TFRC: variants seen among roughly 807,000 people sequenced by gnomAD.
TFRC encodes the protein transferrin receptor, also known as transferrin receptor protein 1.
In TFRC, 35 loss-of-function variants were observed where a neutral mutation model predicts 85.8. The ratio of observed to expected loss-of-function variants is 0.41; its 90% confidence interval spans 0.31 to 0.54. The LOEUF is 0.54. Among genes scored for constraint, TFRC ranks in the 20% least tolerant of loss-of-function variants. The probability of loss-of-function intolerance (pLI) is 0.31; values close to 1 mark genes in which losing one functional copy is unlikely to be tolerated. For synonymous variants in TFRC, 362 were observed against 328.6 expected (o/e 1.10, Z -1.10); for missense variants, 828 against 921.5 (o/e 0.90, Z 1.31).
rs1716340301 is a variant in TFRC, at chr3:196,051,925, A to T, written c.*17T>A. On this transcript the variant is annotated 3_prime_UTR_variant, in exon 19 of 19. Coordinates refer to ENST00000360110, the MANE Select transcript of TFRC (RefSeq NM_001128148.3). The stretch of plus-strand genomic sequence containing the variant: ...CAGACTACCCTGCTGTTCTCATGGA[A>T]GCTATGGGTATCACATTTAAAACTC... 1 of 1,612,240 alleles carries T rather than the reference A, an allele frequency of 6.2e-7. No homozygotes were observed. Among genetic ancestry groups the T allele is most frequent in the Admixed American group, 1.7e-5 (1 of 59,868 alleles).
At chr3:196,053,772 T>G (rs948339364) in intron 17 of TFRC, among the ~76,000 whole-genome samples, 3 of 152,216 alleles carry the variant, frequency 2.0e-5, no homozygotes, top group African/African-American at 7.2e-5. Flanking sequence ...CCATTCTCAT[T>G]AAGAAATTGA....
chr3:196,075,492 C>T (rs1718609698), intron 2 of TFRC, 132 bp from the exon 3 acceptor site: 2 of 840,582 alleles, frequency 2.4e-6, no homozygotes, highest in Non-Finnish European at 3.8e-6. Context: ...TCCTTTCAAA[C>T]CAACATTCTT....
intron 3 of TFRC, 64 bp from the exon 4 acceptor site, chr3:196,074,189 G>T: frequency 6.9e-7 from 1 of 1,443,182 alleles, no homozygotes; most frequent in Non-Finnish European, 9.4e-7. Flanking sequence ...CTGTTAATCT[G>T]TTAATATTTT....
At position 196,050,028 on chromosome 3, in the gene TFRC, G is replaced by A. The variant is rs1476597538; in HGVS notation, c.*1914C>T. The A allele has an allele frequency of 6.5e-5, 15 of 231,176 alleles. No homozygotes were observed. The highest frequency in any genetic ancestry group is 1.8e-4 in the East Asian group (3 of 16,364). 14.3% of individuals were successfully genotyped at this position (231,176 alleles called of 1,614,324 possible). A position where few individuals can be genotyped will look rare whatever the true frequency, so the allele number is the denominator to read the frequency against. Reference sequence around the variant, plus strand: ...ATACCTACATTTAATTGATCACCACGAATGGGTAGGCAGACGTGTCAGACC... The same window carrying A: ...ATACCTACATTTAATTGATCACCACAAATGGGTAGGCAGACGTGTCAGACC... On this transcript the variant is annotated 3_prime_UTR_variant, in exon 19 of 19. Transcript: ENST00000360110.
At position 196,050,478 on chromosome 3, in the gene TFRC, T is replaced by C; in HGVS notation, c.*1464A>G. 1 of 205,024 alleles carries C rather than the reference T, an allele frequency of 4.9e-6. No homozygotes were observed. The highest frequency in any genetic ancestry group is 1.0e-5 in the Non-Finnish European group (1 of 99,818). The allele number at this position is 205,024 out of a possible 1,614,324, so 12.7% of individuals were successfully genotyped here. ...GCATGAAGAAAATTATGGGAAACAC[T>C]GTTCCCGATAATTACTTACACCCTT... On this transcript the variant is annotated 3_prime_UTR_variant, in exon 19 of 19. Coordinates refer to ENST00000360110, the MANE Select transcript of TFRC (RefSeq NM_001128148.3).
rs763109242 is a variant in TFRC at position 196,052,177 on chromosome 3, T to C, written c.2048A>G (p.Tyr683Cys). Residue 683 changes from tyrosine to cysteine, a missense_variant, in exon 19 of 19, where the codon TAT becomes TGT. Physicochemically the swap from Tyr to Cys is radical, Grantham distance 194 (BLOSUM62 -2). Coordinates refer to ENST00000360110, the MANE Select transcript of TFRC (RefSeq NM_001128148.3). ...KLNDRVMRVEYHFLSPYVSPK... is the reference protein window; with the variant it reads ...KLNDRVMRVECHFLSPYVSPK... ...AGATACGTAGGGAGAGAGGAAGTGA[T>C]ACTCCACCTACGAAAACAACACACA... 1 of 1,613,294 alleles carries C rather than the reference T, an allele frequency of 6.2e-7. No individual in the cohort carries two copies. The highest frequency in any genetic ancestry group is 1.1e-5 in the South Asian group (1 of 91,008).
chr3:196,056,574 G>T (rs1281564956), intron 16 of TFRC, among the ~76,000 whole-genome samples: 2 of 151,590 alleles, frequency 1.3e-5, no homozygotes, highest in Non-Finnish European at 2.9e-5. Context: ...TAATTTTTTT[G>T]TATTTTTAGT....
chr3:196,049,694 A>T lies in TFRC; in HGVS notation c.*2248T>A, dbSNP rs1716136131. The T allele has an allele frequency of 4.3e-6, 1 of 230,066 alleles. No individual in the cohort carries two copies. Among genetic ancestry groups the T allele is most frequent in the Non-Finnish European group, 8.6e-6 (1 of 116,122 alleles). 14.3% of individuals were successfully genotyped at this position (230,066 alleles called of 1,614,324 possible). The stretch of plus-strand genomic sequence containing the variant: ...ATTCATATTGTGTTATACGATGAAC[A>T]TGCCACATGCTTTCATTTAAGTACG... On this transcript the variant is annotated 3_prime_UTR_variant, in exon 19 of 19. Coordinates refer to ENST00000360110, the MANE Select transcript of TFRC (RefSeq NM_001128148.3).
At chr3:196,055,565 T>G in intron 16 of TFRC, 1 of 515,914 alleles carries the variant, frequency 1.9e-6, no homozygotes, top group Admixed American at 3.3e-5. Flanking sequence ...ATGCCCTGAA[T>G]AGACTTCTAG....
chr3:196,055,092 T>C lies in TFRC; in HGVS notation c.1887A>G (p.Arg629=), dbSNP rs1716658839. ...LSFVRDLNQY[R]ADIKEMGLSL... ...AATCAGTGCTCACCTTTATGTCTGCTCTGTATTGGTTCAGATCCCTCACAA... is the reference window on the plus strand; with the variant it reads ...AATCAGTGCTCACCTTTATGTCTGCCCTGTATTGGTTCAGATCCCTCACAA... Residue 629 remains arginine (R), a synonymous_variant, in exon 17 of 19, where the codon AGA becomes AGG. Transcript: ENST00000360110. The C allele has an allele frequency of 1.9e-6, 3 of 1,614,116 alleles. No homozygotes were observed. The highest frequency in any genetic ancestry group is 2.5e-6 in the Non-Finnish European group (3 of 1,180,008).
chr3:196,073,388 T>C (rs1718392548), intron 4 of TFRC, among the ~76,000 whole-genome samples: 1 of 151,320 alleles, frequency 6.6e-6, no homozygotes, highest in African/African-American at 2.4e-5. Flanking sequence ...TGCGGTGAGA[T>C]GAGAGCACGC....
At chr3:196,079,475 A>G (rs1028238321) in intron 1 of TFRC, among the ~76,000 whole-genome samples, 9 of 152,118 alleles carry the variant, frequency 5.9e-5, no homozygotes, top group Admixed American at 2.6e-4. Flanking sequence ...TTAGCCGGGC[A>G]TGGTGGCGCA....
chr3:196,078,051 G>C (rs1718857720), intron 1 of TFRC, among the ~76,000 whole-genome samples: 1 of 152,174 alleles, frequency 6.6e-6, no homozygotes, highest in Non-Finnish European at 1.5e-5. Flanking sequence ...TAGAAATTGT[G>C]TTATCATCTC....
Position 196,069,495 on chromosome 3 carries a change from A to G in TFRC, c.761T>C (p.Ile254Thr), listed in dbSNP as rs1190841821. ...EDLYTPVNGS[I>T]VIVRAGKITF... ...GATTTTCCCTGCTCTGACAATCACT[A>G]TAGATCCATTCACAGGAGTGTATAA... The change falls in exon 7 of 19, where the codon ATA becomes ACA. Residue 254 changes from isoleucine (I) to threonine (T), a missense_variant. Physicochemically the swap from Ile to Thr is moderately conservative, Grantham distance 89. Coordinates refer to ENST00000360110, the MANE Select transcript of TFRC (RefSeq NM_001128148.3). The G allele has an allele frequency of 6.2e-7, 1 of 1,613,420 alleles. No individual in the cohort carries two copies. The highest frequency in any genetic ancestry group is 1.3e-5 in the African/African-American group (1 of 74,916).
chr3:196,074,858 C>A, intron 3 of TFRC, among the ~76,000 whole-genome samples: 2 of 136,430 alleles, frequency 1.5e-5, no homozygotes, highest in Admixed American at 7.5e-5. Flanking sequence ...CAGCCTGAGC[C>A]ACAGAGTGAG....
chr3:196,069,777 CTA>C (rs1319100103), intron 6 of TFRC: 54 of 444,612 alleles, frequency 1.2e-4, no homozygotes, highest in Non-Finnish European at 1.9e-4. Flanking sequence ...TTTTGGCCTC[CTA>C]TGTCTTTCAT....
chr3:196,068,442 C>G (rs570306199), intron 7 of TFRC, among the ~76,000 whole-genome samples: 1 of 151,590 alleles, frequency 6.6e-6, no homozygotes, highest in South Asian at 2.1e-4. Context: ...GAAACCCTGT[C>G]TCTACTAAAA....
rs150537141 is a variant in TFRC, at chr3:196,079,456, A to C, written c.-23-2334T>G. ...GGAGAAATCCCATCTCTACCAAAAA[A>C]ATACAAAATTAGCCGGGCATGGTGG... On this transcript the variant is annotated intron_variant, in intron 1 of 18. Coordinates refer to ENST00000360110, the MANE Select transcript of TFRC (RefSeq NM_001128148.3). Among the ~76,000 whole-genome samples, 1,400 of 151,796 alleles carry C rather than the reference A, an allele frequency of 9.2e-3. 26 individuals carry two copies. Among genetic ancestry groups the C allele is most frequent in the African/African-American group, 0.032 (1,344 of 41,388 alleles).
rs773185854 is a variant in TFRC at position 196,065,425 on chromosome 3, G to T, written c.1198+18C>A. On this transcript the variant is annotated intron_variant, in intron 10 of 18. Transcript: ENST00000360110. ...ACAAAAAAAAAGCGGGGCGGGGGGG[G>T]GGGGGGGCGGTCTTTACCTGGTTCT... 94 of 702,168 alleles carry T rather than the reference G, an allele frequency of 1.3e-4. 7 individuals are homozygous for T. The highest frequency in any genetic ancestry group is 4.0e-4 in the Admixed American group (8 of 20,000). 43.5% of individuals were successfully genotyped at this position (702,168 alleles called of 1,614,324 possible). A position where few individuals can be genotyped will look rare whatever the true frequency, so the allele number is the denominator to read the frequency against.
Sources: allele counts gnomAD v4.1 joint callset (sites outside exome capture counted in the v4.1 genomes callset), GRCh38; gene constraint gnomAD v4.1.1; transcripts MANE v1.5; gene names NCBI Gene and HGNC (gene_info 2026-07-23, HGNC 2026-07-21).